Variants in PALM2AKAP2 observed in about 807,000 individuals in gnomAD.
The protein encoded by PALM2AKAP2 is PALM2-AKAP2 fusion protein.
In PALM2AKAP2, 37 loss-of-function variants were observed where a neutral mutation model predicts 71.5. That is an observed-to-expected ratio of 0.52 (90% confidence interval 0.40 to 0.68). PALM2AKAP2 has a LOEUF of 0.68. Among genes scored for constraint, PALM2AKAP2 ranks in the 30% least tolerant of loss-of-function variants. The pLI, the probability that PALM2AKAP2 is intolerant of heterozygous loss-of-function variation, is 0.00. For synonymous variants in PALM2AKAP2, 468 were observed against 478.8 expected (o/e 0.98, Z 0.29); for missense variants, 1,224 against 1,191.8 (o/e 1.03, Z -0.40).
intron 3 of PALM2AKAP2, among the ~76,000 whole-genome samples, chr9:110,159,343 C>T (rs987854532): frequency 1.3e-5 from 2 of 152,172 alleles, no homozygotes; most frequent in African/African-American, 2.4e-5. Flanking sequence ...TGTTATGCAG[C>T]ATCACCCCTG....
At chr9:109,978,231 A>C (rs1832206225) in intron 6 of PALM2AKAP2, among the ~76,000 whole-genome samples, 1 of 152,162 alleles carries the variant, frequency 6.6e-6, no homozygotes, top group South Asian at 2.1e-4. Flanking sequence ...CAGTCTAGAA[A>C]GGCCAAGTCA....
chr9:109,786,124 G>A (rs959603829), intron 1 of PALM2AKAP2, among the ~76,000 whole-genome samples: 15 of 152,212 alleles, frequency 9.9e-5, no homozygotes, highest in Middle Eastern at 3.2e-3. Context: ...CGTTGGATTC[G>A]CCTCTCCATG....
upstream of PALM2AKAP2, among the ~76,000 whole-genome samples, chr9:109,778,600 T>C (rs926932304): frequency 2.0e-5 from 3 of 152,160 alleles, no homozygotes; most frequent in Admixed American, 1.3e-4. Context: ...ATGAAAAAGA[T>C]GGGAAAACAA....
intron 1 of PALM2AKAP2, among the ~76,000 whole-genome samples, chr9:109,811,367 G>A (rs1399262645): frequency 6.6e-6 from 1 of 152,086 alleles, no homozygotes; most frequent in Non-Finnish European, 1.5e-5. Flanking sequence ...AGGGACATGA[G>A]GTGGGTGCGG....
At chr9:110,162,061 T>G in intron 3 of PALM2AKAP2, 33 bp from the exon 10 acceptor site, 2 of 1,613,278 alleles carry the variant, frequency 1.2e-6, no homozygotes, top group Non-Finnish European at 1.7e-6. Context: ...GTCACTGCCA[T>G]GTACTAACCC....
At chr9:109,743,260 C>A (rs955643084) in intron 1 of PALM2AKAP2, among the ~76,000 whole-genome samples, 2 of 152,100 alleles carry the variant, frequency 1.3e-5, no homozygotes, top group African/African-American at 4.8e-5. Flanking sequence ...TTAGGTGGAT[C>A]CAAGAAGTAA....
At chr9:109,735,986 G>A (rs779471248) in intron 1 of PALM2AKAP2, among the ~76,000 whole-genome samples, 6 of 152,198 alleles carry the variant, frequency 3.9e-5, no homozygotes, top group Non-Finnish European at 8.8e-5. Context: ...TCCCATGGTA[G>A]TTATCTTTAG....
chr9:109,916,888 C>G (rs1251014613), intron 3 of PALM2AKAP2, among the ~76,000 whole-genome samples: 2 of 152,196 alleles, frequency 1.3e-5, no homozygotes, highest in African/African-American at 4.8e-5. Context: ...AGCATCATAT[C>G]CCTTGCAGTA....
intron 1 of PALM2AKAP2, among the ~76,000 whole-genome samples, chr9:109,689,295 TG>T (rs1395022910): frequency 6.6e-6 from 1 of 151,212 alleles, no homozygotes; most frequent in Non-Finnish European, 1.5e-5. Flanking sequence ...CTCCGCCTGC[TG>T]GGTTCAAGCG....
At chr9:109,814,666 G>A (rs1827808164) in intron 1 of PALM2AKAP2, among the ~76,000 whole-genome samples, 1 of 152,242 alleles carries the variant, frequency 6.6e-6, no homozygotes, top group Non-Finnish European at 1.5e-5. Flanking sequence ...TGATAGAGAA[G>A]CATGTGGTGC....
intron 1 of PALM2AKAP2, among the ~76,000 whole-genome samples, chr9:109,864,319 T>C (rs1587969685): frequency 6.6e-6 from 1 of 152,214 alleles, no homozygotes; most frequent in Non-Finnish European, 1.5e-5. Context: ...GCTTTCCCAC[T>C]GTTACCCCTT....
exon 4 of PALM2AKAP2, chr9:110,172,483 A>G (rs1430836501): frequency 6.6e-6 from 1 of 152,660 alleles, no homozygotes; most frequent in African/African-American, 2.4e-5. Flanking sequence ...TTTTCTCATT[A>G]AAATCCAATG....
At chr9:109,870,347 A>G (rs1284929511) in intron 2 of PALM2AKAP2, among the ~76,000 whole-genome samples, 1 of 152,182 alleles carries the variant, frequency 6.6e-6, no homozygotes, top group African/African-American at 2.4e-5. Context: ...TTTCCCTGTA[A>G]TCATCCAGTT....
intron 1 of PALM2AKAP2, among the ~76,000 whole-genome samples, chr9:109,666,478 A>G (rs1389521325): frequency 6.6e-6 from 1 of 152,232 alleles, no homozygotes; most frequent in Non-Finnish European, 1.5e-5. Context: ...ATGAATGAAA[A>G]TGCTCTTATA....
intron 1 of PALM2AKAP2, among the ~76,000 whole-genome samples, chr9:109,747,799 AGCTGGGAATACAGGT>A (rs1490686694): frequency 3.9e-5 from 6 of 152,150 alleles, no homozygotes; most frequent in African/African-American, 1.4e-4. Flanking sequence ...CCTCCCAAGT[AGCTGGGAATACAGGT>A]GCTCACCACC....
intron 1 of PALM2AKAP2, among the ~76,000 whole-genome samples, chr9:109,662,449 G>A (rs1827413647): frequency 6.6e-6 from 1 of 152,144 alleles, no homozygotes; most frequent in Non-Finnish European, 1.5e-5. Flanking sequence ...CTTTGGTTCT[G>A]TTTATGTGAT....
At chr9:110,101,993 T>C (rs1363826735) in intron 1 of PALM2AKAP2, among the ~76,000 whole-genome samples, 12 of 152,220 alleles carry the variant, frequency 7.9e-5, no homozygotes, top group Admixed American at 3.9e-4. Flanking sequence ...ATGTTGCATA[T>C]GTGATCTCAT....
intron 7 of PALM2AKAP2, among the ~76,000 whole-genome samples, chr9:110,026,851 C>A (rs574173955): frequency 6.6e-6 from 1 of 152,098 alleles, no homozygotes; most frequent in East Asian, 1.9e-4. Context: ...CAAGACCAGC[C>A]TTGCCAAATG....
chr9:110,149,011 G>A lies in PALM2AKAP2; in HGVS notation c.2570-7308G>A, dbSNP rs147186592. Among the ~76,000 whole-genome samples the A allele has an allele frequency of 1.3e-4, 20 of 152,316 alleles. No homozygotes were observed. The East Asian group carries it at 3.5e-3, about 26-fold the overall frequency. The stretch of plus-strand genomic sequence containing the variant: ...TCGGGTTCTTTGGGTGGGAGGAATT[G>A]CAGATTCTTTTCTCTGCCTCCTGTC... On this transcript the variant is annotated intron_variant, in intron 2 of 3. Transcript: ENST00000374525.
Sources: allele counts gnomAD v4.1 joint callset (sites outside exome capture counted in the v4.1 genomes callset), GRCh38; gene constraint gnomAD v4.1.1; transcripts MANE v1.5; gene names NCBI Gene and HGNC (gene_info 2026-07-23, HGNC 2026-07-21).